HSBP1: variants seen among roughly 807,000 people sequenced by gnomAD.
HSBP1 encodes heat shock factor binding protein 1.
In HSBP1, 5 loss-of-function variants were observed where a neutral mutation model predicts 9.6. That is an observed-to-expected ratio of 0.52 (90% CI 0.27 to 1.09). The LOEUF (loss-of-function observed/expected upper bound fraction) is 1.09, where lower values mean the gene tolerates loss of function less well. Ranked by LOEUF, HSBP1 falls within the 50% of genes least tolerant of loss-of-function variation. The probability of loss-of-function intolerance (pLI) is 0.11; values close to 1 mark genes in which losing one functional copy is unlikely to be tolerated. For missense variants in HSBP1, 121 were observed against 96.3 expected, an observed-to-expected ratio of 1.26 and a Z score of -1.07; for synonymous variants, 42 against 33.3, an observed-to-expected ratio of 1.26 and a Z score of -0.90.
rs1031453050 is a variant in HSBP1, at chr16:83,814,890, G to A, written c.*3472G>A. On this transcript the variant is annotated 3_prime_UTR_variant, in exon 4 of 4. Transcript: ENST00000433866. ...ACAGGTTTTCACATTGGTTTTCCAT[G>A]CCTATACCTGTCCTGTCTCCCACAA... 1 of 151,958 alleles carries A rather than the reference G, an allele frequency of 6.6e-6. No homozygotes were observed. Among genetic ancestry groups the A allele is most frequent in the Non-Finnish European group, 1.5e-5 (1 of 68,016 alleles). The allele number at this position is 151,958 out of a possible 1,614,324, so 9.4% of individuals were successfully genotyped here.
Position 83,814,029 on chromosome 16 carries a change from AT to A in HSBP1, c.*2612del, listed in dbSNP as rs1441417951. Reference sequence around the variant, plus strand: ...CTTAGAGCACTGTTGCTATGGGAACATAGAGTCCTCCAAACAAAAGTGAACT... The same window carrying A: ...CTTAGAGCACTGTTGCTATGGGAACAAGAGTCCTCCAAACAAAAGTGAACT... On this transcript the variant is annotated 3_prime_UTR_variant, in exon 4 of 4. Transcript: ENST00000433866. The A allele has an allele frequency of 7.8e-6, 1 of 128,764 alleles. No individual in the cohort carries two copies. Among genetic ancestry groups the A allele is most frequent in the Non-Finnish European group, 1.8e-5 (1 of 54,944 alleles). The allele number at this position is 128,764 out of a possible 1,614,324, so 8.0% of individuals were successfully genotyped here.
Position 83,814,570 on chromosome 16 carries a change from G to T in HSBP1, c.*3152G>T, listed in dbSNP as rs537995943. The T allele has an allele frequency of 6.6e-6, 1 of 152,236 alleles. No individual in the cohort carries two copies. Among genetic ancestry groups the T allele is most frequent in the Admixed American group, 6.5e-5 (1 of 15,288 alleles). The allele number at this position is 152,236 out of a possible 1,614,324, so 9.4% of individuals were successfully genotyped here. Reference sequence around the variant, plus strand: ...GATCGTCTGCCTCTTCGTGTGAGCTGAGCTCCGAATCTCAGCTGTCCAGGC... The same window carrying T: ...GATCGTCTGCCTCTTCGTGTGAGCTTAGCTCCGAATCTCAGCTGTCCAGGC... On this transcript the variant is annotated 3_prime_UTR_variant, in exon 4 of 4. Transcript: ENST00000433866.
rs1267519801 is a variant in HSBP1, at chr16:83,817,272, G to GT, written c.*5854_*5855insT. 5 of 152,230 alleles carry GT rather than the reference G, an allele frequency of 3.3e-5. No individual in the cohort carries two copies. The highest frequency in any genetic ancestry group is 2.6e-4 in the Admixed American group (4 of 15,282). The allele number at this position is 152,230 out of a possible 1,614,324, so 9.4% of individuals were successfully genotyped here. A position where few individuals can be genotyped will look rare whatever the true frequency, so the allele number is the denominator to read the frequency against. On this transcript the variant is annotated 3_prime_UTR_variant, in exon 4 of 4. Coordinates refer to ENST00000433866, the MANE Select transcript of HSBP1 (RefSeq NM_001537.4). ...GACACGTCCAACTTGGACAATCAGG[G>GT]CTTTGACCCCCGTTACCTGGCATTC... is the stretch of plus-strand genomic sequence containing the variant.
chr16:83,809,276 T>G, intron 2 of HSBP1, 29 bp from the exon 3 acceptor site: 1 of 1,369,198 alleles, frequency 7.3e-7, no homozygotes, highest in Non-Finnish European at 1.0e-6. Context: ...CAATGAGATG[T>G]TGGCACGCGT....
rs1275565880 is a variant in HSBP1 at position 83,814,707 on chromosome 16, G to A, written c.*3289G>A. The A allele has an allele frequency of 1.3e-5, 2 of 152,252 alleles. No homozygotes were observed. Among genetic ancestry groups the A allele is most frequent in the African/African-American group, 4.8e-5 (2 of 41,462 alleles). 9.4% of individuals were successfully genotyped at this position (152,252 alleles called of 1,614,324 possible). A position where few individuals can be genotyped will look rare whatever the true frequency, so the allele number is the denominator to read the frequency against. On this transcript the variant is annotated 3_prime_UTR_variant, in exon 4 of 4. Transcript: ENST00000433866. ...AAATTAAGTAATAAACACACTGGAT[G>A]TGAGTTTTTATTTGGAATTTAAACT...
rs1429545772 is a variant in HSBP1 at position 83,815,982 on chromosome 16, G to A, written c.*4564G>A. The A allele has an allele frequency of 4.6e-5, 7 of 152,310 alleles. No individual in the cohort carries two copies. Among genetic ancestry groups the A allele is most frequent in the African/African-American group, 7.2e-5 (3 of 41,572 alleles). 9.4% of individuals were successfully genotyped at this position (152,310 alleles called of 1,614,324 possible). ...ATTCAGGATCCAGCAGCTTAGAAGCGTTTAGCTACCAATAGCAAAAATCAG... is the reference window on the plus strand; with the variant it reads ...ATTCAGGATCCAGCAGCTTAGAAGCATTTAGCTACCAATAGCAAAAATCAG... On this transcript the variant is annotated 3_prime_UTR_variant, in exon 4 of 4. Coordinates refer to ENST00000433866, the MANE Select transcript of HSBP1 (RefSeq NM_001537.4).
At position 83,817,725 on chromosome 16, in the gene HSBP1, G is replaced by C. The variant is rs578053494; in HGVS notation, c.*6307G>C. The C allele has an allele frequency of 6.6e-6, 1 of 152,300 alleles. No homozygotes were observed. The highest frequency in any genetic ancestry group is 2.1e-4 in the South Asian group (1 of 4,826). The allele number at this position is 152,300 out of a possible 1,614,324, so 9.4% of individuals were successfully genotyped here. On this transcript the variant is annotated 3_prime_UTR_variant, in exon 4 of 4. Transcript: ENST00000433866. ...TATGCAGTTAATTTTGATGGGCTATGGATAATCATCAGAAGAGCCATTTCT... is the reference window on the plus strand; with the variant it reads ...TATGCAGTTAATTTTGATGGGCTATCGATAATCATCAGAAGAGCCATTTCT...
rs1255094846 is a variant in HSBP1, at chr16:83,813,461, C to G, written c.*2043C>G. ...AAGCTCCTGGGCTCAGGCAGTCCTC[C>G]TGCCTCAGCCTCCCAAGTAGCTAAT... On this transcript the variant is annotated 3_prime_UTR_variant, in exon 4 of 4. Coordinates refer to ENST00000433866, the MANE Select transcript of HSBP1 (RefSeq NM_001537.4). 1 of 152,444 alleles carries G rather than the reference C, an allele frequency of 6.6e-6. No individual in the cohort carries two copies. Among genetic ancestry groups the G allele is most frequent in the African/African-American group, 2.4e-5 (1 of 41,408 alleles). 9.4% of individuals were successfully genotyped at this position (152,444 alleles called of 1,614,324 possible). A position where few individuals can be genotyped will look rare whatever the true frequency, so the allele number is the denominator to read the frequency against.
In HSBP1 at chr16:83,808,133, C is replaced by A. The variant is rs896163596; in HGVS notation, c.45+12C>A. On this transcript the variant is annotated intron_variant, in intron 1 of 3. Transcript: ENST00000433866. ...ACCTCACCTCGGTGGTAAGGGACGG[C>A]TGTGAGGGCCGGAGGCCGCGGCCTT... 1.9e-6 allele frequency: 3 copies of A among 1,543,862 alleles called. No homozygotes were observed. Among genetic ancestry groups the A allele is most frequent in the Non-Finnish European group, 1.7e-6 (2 of 1,143,356 alleles).
rs1478537031 is a variant in HSBP1 at position 83,815,427 on chromosome 16, A to G, written c.*4009A>G. The G allele has an allele frequency of 1.3e-5, 2 of 151,324 alleles. No homozygotes were observed. Among genetic ancestry groups the G allele is most frequent in the Non-Finnish European group, 1.5e-5 (1 of 67,986 alleles). The allele number at this position is 151,324 out of a possible 1,614,324, so 9.4% of individuals were successfully genotyped here. ...CTCAGGAGGCTGAGGTGGGAGGATC[A>G]TTTGAGCCCAGGAAGTCGAGGTTGC... On this transcript the variant is annotated 3_prime_UTR_variant, in exon 4 of 4. Transcript: ENST00000433866.
In HSBP1 at chr16:83,814,943, G is replaced by A. The variant is rs1904684737; in HGVS notation, c.*3525G>A. 2 of 146,868 alleles carry A rather than the reference G, an allele frequency of 1.4e-5. No homozygotes were observed. Among genetic ancestry groups the A allele is most frequent in the South Asian group, 2.2e-4 (1 of 4,616 alleles). The allele number at this position is 146,868 out of a possible 1,614,324, so 9.1% of individuals were successfully genotyped here. On this transcript the variant is annotated 3_prime_UTR_variant, in exon 4 of 4. Transcript: ENST00000433866. ...ATTATTGCTTGAGGCCCAACCCGGG[G>A]GATAAAAAGACACCCCCCCGCCACT... is the stretch of plus-strand genomic sequence containing the variant.
chr16:83,808,634 C>G (rs763550027), intron 1 of HSBP1, 46 bp from the exon 2 acceptor site: 3 of 1,507,766 alleles, frequency 2.0e-6, no homozygotes, highest in East Asian at 4.6e-5. Context: ...AGGAAGTTGT[C>G]TCAGGATCGA....
chr16:83,808,488 T>C (rs1904515882), intron 1 of HSBP1, 192 bp from the exon 2 acceptor site: 2 of 583,272 alleles, frequency 3.4e-6, no homozygotes, highest in East Asian at 5.8e-5. Flanking sequence ...CGCAGCGGCC[T>C]CCCCAGCCCA....
At position 83,811,850 on chromosome 16, in the gene HSBP1, C is replaced by G. The variant is rs959018766; in HGVS notation, c.*432C>G. 6.6e-6 allele frequency: 1 copy of G among 152,180 alleles called. No homozygotes were observed. Among genetic ancestry groups the G allele is most frequent in the African/African-American group, 2.4e-5 (1 of 41,428 alleles). 9.4% of individuals were successfully genotyped at this position (152,180 alleles called of 1,614,324 possible). A position where few individuals can be genotyped will look rare whatever the true frequency, so the allele number is the denominator to read the frequency against. On this transcript the variant is annotated 3_prime_UTR_variant, in exon 4 of 4. Coordinates refer to ENST00000433866, the MANE Select transcript of HSBP1 (RefSeq NM_001537.4). ...TTGTAGACTTTAGAGTTCTTTAATT[C>G]TTGGCACAACGTGACTGTTGAGCTA...
intron 1 of HSBP1, chr16:83,808,334 C>T: frequency 1.8e-6 from 1 of 555,038 alleles, no homozygotes; most frequent in East Asian, 3.3e-5. Flanking sequence ...AGCCCGACCC[C>T]TTCCAGTAGC....
At chr16:83,809,115 G>A (rs1904535284) in intron 2 of HSBP1, 190 bp from the exon 3 acceptor site, 1 of 570,676 alleles carries the variant, frequency 1.8e-6, no homozygotes, top group African/African-American at 1.9e-5. Flanking sequence ...GTAAGGGTCA[G>A]GGCTGGAATC....
Position 83,811,720 on chromosome 16 carries a change from A to C in HSBP1, c.*302A>C, listed in dbSNP as rs914308559. ...CTGTGAAGTCATTTTTTTTCTTGTC[A>C]TTCCTTTTGTAGTAGTTGCTGTTTG... On this transcript the variant is annotated 3_prime_UTR_variant, in exon 4 of 4. Coordinates refer to ENST00000433866, the MANE Select transcript of HSBP1 (RefSeq NM_001537.4). The C allele has an allele frequency of 5.9e-5, 9 of 152,100 alleles. No individual in the cohort carries two copies. In the Middle Eastern group the frequency reaches 0.01, roughly 172 times the overall value. 9.4% of individuals were successfully genotyped at this position (152,100 alleles called of 1,614,324 possible). A position where few individuals can be genotyped will look rare whatever the true frequency, so the allele number is the denominator to read the frequency against.
Position 83,808,144 on chromosome 16 carries a change from G to C in HSBP1, c.45+23G>C, listed in dbSNP as rs1464046455. The C allele has an allele frequency of 2.6e-6, 4 of 1,540,288 alleles. No homozygotes were observed. The East Asian group carries it at 1.0e-4, about 39-fold the overall frequency. On this transcript the variant is annotated intron_variant, in intron 1 of 3. Transcript: ENST00000433866. The stretch of plus-strand genomic sequence containing the variant: ...GTGGTAAGGGACGGCTGTGAGGGCC[G>C]GAGGCCGCGGCCTTCCCGGGCGGCG...
chr16:83,810,493 G>A (rs1904574916), intron 3 of HSBP1, among the ~76,000 whole-genome samples: 1 of 138,162 alleles, frequency 7.2e-6, no homozygotes, highest in African/African-American at 2.8e-5. Context: ...CTGCACTCCA[G>A]CCTGGGCGAC....
Sources: allele counts gnomAD v4.1 joint callset (sites outside exome capture counted in the v4.1 genomes callset), GRCh38; gene constraint gnomAD v4.1.1; transcripts MANE v1.5; gene names NCBI Gene and HGNC (gene_info 2026-07-23, HGNC 2026-07-21).